Variants in PHIP observed in about 807,000 individuals in gnomAD.
The protein encoded by PHIP is PH-interacting protein.
Under a neutral mutation model 236.8 loss-of-function variants are expected in PHIP, and 54 were observed. The observed-to-expected ratio is 0.23, with a 90% confidence interval of 0.18 to 0.29. The LOEUF is 0.29. PHIP is among the 10% of genes least tolerant of loss of function. The pLI, the probability that PHIP is intolerant of heterozygous loss-of-function variation, is 1.00. For missense variants in PHIP, 1,370 were observed against 2,190.8 expected (o/e 0.63, Z 7.48); for synonymous variants, 756 against 718.9 (o/e 1.05, Z -0.83).
chr6:79,032,959 T>G (rs781715720), intron 7 of PHIP, among the ~76,000 whole-genome samples: 1 of 152,092 alleles, frequency 6.6e-6, no homozygotes, highest in Non-Finnish European at 1.5e-5. Context: ...ATAAATGTAT[T>G]GTCAGCAAGC....
intron 19 of PHIP, among the ~76,000 whole-genome samples, chr6:78,995,724 T>A (rs975443437): frequency 1.3e-5 from 2 of 152,220 alleles, no homozygotes; most frequent in African/African-American, 4.8e-5. Flanking sequence ...ATTCTGTTGT[T>A]TACTATTGAG....
In PHIP at chr6:79,075,422, C is replaced by G. The variant is rs147322046; in HGVS notation, c.189+2026G>C. 6.3e-4 allele frequency among the ~76,000 whole-genome samples: 96 copies of G among 152,136 alleles called. 1 individual carries two copies. The South Asian group carries it at 7.9e-3, about 12-fold the overall frequency. ...TGATGAGTATGCCAACGTTCCTGTT[C>G]TAGTAAGGAGAAAACTCCAAGCAAG... On this transcript the variant is annotated intron_variant, in intron 4 of 39. Coordinates refer to ENST00000275034, the MANE Select transcript of PHIP (RefSeq NM_017934.7).
At chr6:79,068,199 A>G (rs148768853) in intron 4 of PHIP, 2 of 152,460 alleles carry the variant, frequency 1.3e-5, no homozygotes, top group African/African-American at 4.8e-5. Flanking sequence ...ATGGTAGCTC[A>G]TGCCTGTAAT....
At chr6:79,069,767 T>C (rs2127779178) in intron 4 of PHIP, among the ~76,000 whole-genome samples, 1 of 152,082 alleles carries the variant, frequency 6.6e-6, no homozygotes, top group South Asian at 2.1e-4. Flanking sequence ...TATTTCTTTA[T>C]AATTATAATA....
At chr6:78,965,143 T>C (rs919941233) in intron 29 of PHIP, among the ~76,000 whole-genome samples, 2 of 152,224 alleles carry the variant, frequency 1.3e-5, no homozygotes, top group African/African-American at 2.4e-5. Context: ...TATATCTTCA[T>C]TGAGCTCTTA....
At chr6:79,021,406 C>T (rs919051825) in intron 9 of PHIP, among the ~76,000 whole-genome samples, 15 of 152,210 alleles carry the variant, frequency 9.9e-5, no homozygotes, top group African/African-American at 3.1e-4. Context: ...CCTTGGCCTC[C>T]CAAAGTGCTG....
At chr6:79,073,174 A>T (rs1480716851) in intron 4 of PHIP, among the ~76,000 whole-genome samples, 2 of 152,204 alleles carry the variant, frequency 1.3e-5, no homozygotes, top group African/African-American at 4.8e-5. Flanking sequence ...TATTGCATTT[A>T]AAAAGTTTGT....
chr6:78,995,822 C>G (rs1769571814), intron 19 of PHIP, among the ~76,000 whole-genome samples: 1 of 152,164 alleles, frequency 6.6e-6, no homozygotes, highest in Non-Finnish European at 1.5e-5. Flanking sequence ...TGACCCATTT[C>G]AGAGAGCCTT....
chr6:78,946,173 C>G lies in PHIP; in HGVS notation c.4458G>C (p.Pro1486=). 6.2e-7 allele frequency: 1 copy of G among 1,613,774 alleles called. No homozygotes were observed. Among genetic ancestry groups the G allele is most frequent in the East Asian group, 2.2e-5 (1 of 44,862 alleles). ...TTATCTGAGCAGCATTGTGTCTTGG[C>G]GGTATTGATCGTGTAGGTGTAGAGA... The part of the protein sequence containing the change: ...SAFSTPTRSI[P]PRHNAAQING... The change falls in exon 38 of 40, where the codon CCG becomes CCC. Residue 1486 remains proline, a synonymous_variant. Transcript: ENST00000275034.
intron 2 of PHIP, 62 bp from the exon 3 acceptor site, chr6:79,077,791 G>C: frequency 1.0e-6 from 1 of 980,570 alleles, no homozygotes; most frequent in Non-Finnish European, 1.2e-6. Context: ...CGCCGCCGCC[G>C]CCTCCCTCCC....
At chr6:78,970,573 A>G (rs1191433839) in intron 25 of PHIP, among the ~76,000 whole-genome samples, 1 of 152,142 alleles carries the variant, frequency 6.6e-6, no homozygotes, top group Non-Finnish European at 1.5e-5. Context: ...CCCAACCCAT[A>G]AACTGCATTG....
intron 7 of PHIP, among the ~76,000 whole-genome samples, chr6:79,040,770 G>A (rs900703270): frequency 2.6e-5 from 4 of 151,950 alleles, no homozygotes; most frequent in Non-Finnish European, 5.9e-5. Context: ...TCATATCTTC[G>A]TTATTTCTTA....
rs553799588 is a variant in PHIP at position 79,078,244 on chromosome 6, A to T, written c.-176T>A. 1 of 597,130 alleles carries T rather than the reference A, an allele frequency of 1.7e-6. No homozygotes were observed. Among genetic ancestry groups the T allele is most frequent in the African/African-American group, 2.0e-5 (1 of 51,254 alleles). The allele number at this position is 597,130 out of a possible 1,614,324, so 37.0% of individuals were successfully genotyped here. On this transcript the variant is annotated 5_prime_UTR_variant, in exon 1 of 40. Coordinates refer to ENST00000275034, the MANE Select transcript of PHIP (RefSeq NM_017934.7). ...GGAGGAGGAGGAAACAACAACTCTC[A>T]GGCAGCGACTACGGCCGTGGCCGCC...
intron 4 of PHIP, among the ~76,000 whole-genome samples, chr6:79,074,456 C>T (rs1774052966): frequency 6.6e-6 from 1 of 151,846 alleles, no homozygotes; most frequent in South Asian, 2.1e-4. Context: ...GCTTTCCTTT[C>T]GTCCAAAAAA....
intron 6 of PHIP, among the ~76,000 whole-genome samples, chr6:79,047,298 G>C (rs1772548771): frequency 6.6e-6 from 1 of 152,120 alleles, no homozygotes; most frequent in African/African-American, 2.4e-5. Flanking sequence ...TACTTCTTTA[G>C]GTGCTAGGAT....
At chr6:78,999,769 A>G (rs1355644136) in intron 17 of PHIP, among the ~76,000 whole-genome samples, 5 of 152,090 alleles carry the variant, frequency 3.3e-5, no homozygotes, top group Non-Finnish European at 5.9e-5. Flanking sequence ...AAGGAAAAAG[A>G]AATTACATGT....
At chr6:78,954,725 A>G (rs915890868) in intron 35 of PHIP, 89 bp downstream of exon 35, 9 of 788,742 alleles carry the variant, frequency 1.1e-5, no homozygotes, top group Admixed American at 3.3e-5. Context: ...ATAAACTATA[A>G]TCATAAAAAG....
At chr6:78,954,741 A>G (rs935603555) in intron 35 of PHIP, 73 bp downstream of exon 35, 48 of 903,472 alleles carry the variant, frequency 5.3e-5, no homozygotes, top group Non-Finnish European at 7.3e-5. Flanking sequence ...AAAAGTAACT[A>G]AAATAGCCAA....
At chr6:78,981,495 T>C (rs1768529568) in intron 23 of PHIP, among the ~76,000 whole-genome samples, 1 of 151,984 alleles carries the variant, frequency 6.6e-6, no homozygotes, top group East Asian at 1.9e-4. Context: ...CACAATACTT[T>C]GTTGCAACAA....
Sources: gnomAD v4.1 joint callset for allele counts (sites outside exome capture counted in the v4.1 genomes callset) on GRCh38, gnomAD v4.1.1 for gene constraint, MANE v1.5 for transcripts, NCBI Gene and HGNC (gene_info 2026-07-23, HGNC 2026-07-21) for gene names.